Variants in RPS9 observed in about 807,000 individuals in gnomAD.
The protein encoded by RPS9 is small ribosomal subunit protein uS4.
A neutral mutation model predicts 16.9 loss-of-function variants in RPS9; 1 was observed. The observed-to-expected ratio is 0.06, with a 90% confidence interval of 0.02 to 0.28. The LOEUF (loss-of-function observed/expected upper bound fraction) is 0.28, where lower values mean the gene tolerates loss of function less well. RPS9 is among the 10% of genes least tolerant of loss of function. The pLI, the probability that RPS9 is intolerant of heterozygous loss-of-function variation, is 1.00. For synonymous variants in RPS9, 106 were observed against 110.9 expected, an observed-to-expected ratio of 0.96 and a Z score of 0.28; for missense variants, 137 against 273.2, an observed-to-expected ratio of 0.50 and a Z score of 3.51.
rs780628667 is a variant in RPS9, at chr19:54,206,267, T to C, written c.221-9T>C. 6.2e-7 allele frequency: 1 copy of C among 1,609,868 alleles called. No individual in the cohort carries two copies. The highest frequency in any genetic ancestry group is 2.2e-5 in the East Asian group (1 of 44,750). The stretch of plus-strand genomic sequence containing the variant: ...AGGCGGAATCAGTGTTTCCTCCCAC[T>C]CTTCCCAGGCAACGCCCTGCTGCGG... On this transcript the variant is annotated splice_polypyrimidine_tract_variant and intron_variant, in intron 3 of 4. Coordinates refer to ENST00000302907, the MANE Select transcript of RPS9 (RefSeq NM_001013.4).
chr19:54,202,397 C>G, intron 3 of RPS9: 1 of 981,558 alleles, frequency 1.0e-6, no homozygotes, highest in Non-Finnish European at 1.2e-6. Flanking sequence ...GTTGTCCAGG[C>G]TGGTGCTTGT....
At chr19:54,201,394 T>G in intron 2 of RPS9, 93 bp from the exon 3 acceptor site, 1 of 1,606,894 alleles carries the variant, frequency 6.2e-7, no homozygotes, top group South Asian at 1.1e-5. Flanking sequence ...GTACTATTCG[T>G]GGTTTAGGAA....
At chr19:54,201,843 C>T (rs1179198029) in intron 3 of RPS9, 2 of 836,914 alleles carry the variant, frequency 2.4e-6, no homozygotes, top group African/African-American at 1.7e-5. Flanking sequence ...TTAGTAATGA[C>T]CAGAGCTAAA....
chr19:54,206,816 G>T, intron 4 of RPS9: 1 of 1,152,028 alleles, frequency 8.7e-7, no homozygotes, highest in Non-Finnish European at 1.2e-6. Flanking sequence ...CGCTTGTGAA[G>T]TTGATTCCAG....
At chr19:54,202,240 AGTTGTCGCAATCTT>A (rs2077083012) in intron 3 of RPS9, 1 of 166,852 alleles carries the variant, frequency 6.0e-6, no homozygotes, top group Non-Finnish European at 1.2e-5. Context: ...GCTGGAGTGT[AGTTGTCGCAATCTT>A]GGCTCACTGC....
At chr19:54,201,630 C>A (rs2077055598) in intron 3 of RPS9, 21 bp downstream of exon 3, 2 of 1,613,902 alleles carry the variant, frequency 1.2e-6, no homozygotes, top group African/African-American at 1.3e-5. Flanking sequence ...GAGTCCACAG[C>A]AGAGGGATGG....
At chr19:54,201,309 G>T (rs1386008433) in intron 2 of RPS9, 28 bp downstream of exon 2, 7 of 1,613,884 alleles carry the variant, frequency 4.3e-6, no homozygotes, top group Non-Finnish European at 5.1e-6. Context: ...CCGGGAAGTG[G>T]TTCGGCTTCC....
chr19:54,203,289 C>T (rs1218223378), intron 3 of RPS9: 4 of 985,218 alleles, frequency 4.1e-6, no homozygotes, highest in Non-Finnish European at 4.8e-6. Context: ...AGTACACTTT[C>T]TAGTAAATGA....
intron 3 of RPS9, chr19:54,202,687 C>G: frequency 1.0e-6 from 1 of 985,402 alleles, no homozygotes; most frequent in Non-Finnish European, 1.2e-6. Flanking sequence ...TTTGTATATC[C>G]TGAGACGCTG....
At chr19:54,206,160 G>C in intron 3 of RPS9, 116 bp from the exon 4 acceptor site, 2 of 998,652 alleles carry the variant, frequency 2.0e-6, no homozygotes, top group East Asian at 2.6e-5. Flanking sequence ...TGATGGCGCT[G>C]TACTACTTGT....
intron 3 of RPS9, chr19:54,203,060 C>T: frequency 4.1e-6 from 4 of 985,300 alleles, no homozygotes; most frequent in African/African-American, 3.5e-5. Flanking sequence ...CTGGAGATCC[C>T]TCCCCCATAG....
intron 3 of RPS9, among the ~76,000 whole-genome samples, chr19:54,203,996 G>A (rs16985475): frequency 0.038 from 5,720 of 152,268 alleles, 262 homozygotes; most frequent in South Asian, 0.25. Flanking sequence ...AAGGTGTAAG[G>A]TTTATTGTGC....
intron 1 of RPS9, 92 bp downstream of exon 1, chr19:54,200,980 G>T: frequency 7.0e-7 from 1 of 1,431,706 alleles, no homozygotes; most frequent in Non-Finnish European, 9.1e-7. Context: ...AAGACGTTAG[G>T]AAACAGAGCA....
At chr19:54,203,693 C>T (rs2077139476) in intron 3 of RPS9, among the ~76,000 whole-genome samples, 1 of 152,092 alleles carries the variant, frequency 6.6e-6, no homozygotes, top group South Asian at 2.1e-4. Flanking sequence ...ATTGATTGAA[C>T]CTGGGAGACA....
At chr19:54,206,614 C>CA (rs1347760321) in intron 4 of RPS9, 152 bp downstream of exon 4, 2 of 1,551,322 alleles carry the variant, frequency 1.3e-6, no homozygotes, top group Non-Finnish European at 1.7e-6. Context: ...GCACACAGCT[C>CA]ACCAGGGAGC....
At chr19:54,205,163 G>A (rs1224771006) in intron 3 of RPS9, among the ~76,000 whole-genome samples, 1 of 152,110 alleles carries the variant, frequency 6.6e-6, no homozygotes, top group Non-Finnish European at 1.5e-5. Flanking sequence ...GTTTACCCCA[G>A]TCAAGGGGCA....
intron 3 of RPS9, among the ~76,000 whole-genome samples, chr19:54,204,900 T>G (rs1206318319): frequency 6.6e-6 from 1 of 152,204 alleles, no homozygotes; most frequent in African/African-American, 2.4e-5. Context: ...TGACATAGGA[T>G]GCTGGAAATG....
intron 3 of RPS9, chr19:54,202,945 A>C: frequency 1.0e-6 from 1 of 968,056 alleles, no homozygotes. Flanking sequence ...TGATCCATCC[A>C]CCTCAGCTTT....
At chr19:54,206,064 TCTCGGA>T (rs2077230177) in intron 3 of RPS9, among the ~76,000 whole-genome samples, 2 of 152,162 alleles carry the variant, frequency 1.3e-5, no homozygotes, top group Non-Finnish European at 2.9e-5. Flanking sequence ...AAGTGATCCG[TCTCGGA>T]CTCCCAAAGT....
Sources: allele counts gnomAD v4.1 joint callset (sites outside exome capture counted in the v4.1 genomes callset), GRCh38; gene constraint gnomAD v4.1.1; transcripts MANE v1.5; gene names NCBI Gene and HGNC (gene_info 2026-07-23, HGNC 2026-07-21).